Variants in ALDH3A2 observed in about 807,000 individuals in gnomAD.
The protein encoded by ALDH3A2 is aldehyde dehydrogenase family 3 member A2.
In ALDH3A2, 36 loss-of-function variants were observed where a neutral mutation model predicts 51.3. That is an observed-to-expected ratio of 0.70 (90% CI 0.54 to 0.93). The LOEUF is 0.93. ALDH3A2 is among the 40% of genes least tolerant of loss of function. The pLI, the probability that ALDH3A2 is intolerant of heterozygous loss-of-function variation, is 0.00. For synonymous variants in ALDH3A2, 199 were observed against 219.8 expected (o/e 0.91, Z 0.84); for missense variants, 552 against 603.1 (o/e 0.92, Z 0.89).
Position 19,661,177 on chromosome 17 carries a change from C to A in ALDH3A2, c.849C>A (p.Ile283=), listed in dbSNP as rs992796190. The part of the protein sequence containing the change: ...IKESPDYERI[I]NLRHFKRILS... ...AGTCTCCTGATTATGAAAGGATCAT[C>A]AATCTTCGTCATTTTAAGAGGATAC... The change falls in exon 6 of 10, where the codon ATC becomes ATA. Residue 283 remains isoleucine, a synonymous_variant. Transcript: ENST00000176643. The A allele has an allele frequency of 2.5e-6, 4 of 1,613,252 alleles. No homozygotes were observed. The highest frequency in any genetic ancestry group is 3.3e-4 in the Middle Eastern group (2 of 6,062).
intron 5 of ALDH3A2, among the ~76,000 whole-genome samples, chr17:19,660,897 G>A (rs1051628389): frequency 6.6e-6 from 1 of 152,168 alleles, no homozygotes; most frequent in African/African-American, 2.4e-5. Flanking sequence ...TGGAACTATG[G>A]ACAATGACAG....
chr17:19,666,654 G>A (rs1270182330), intron 8 of ALDH3A2, among the ~76,000 whole-genome samples: 3 of 152,034 alleles, frequency 2.0e-5, no homozygotes, highest in African/African-American at 2.4e-5. Context: ...GTGCGTGCCT[G>A]TAGTCCCAGC....
chr17:19,656,906 G>A (rs1009950008), intron 4 of ALDH3A2, among the ~76,000 whole-genome samples: 6 of 152,226 alleles, frequency 3.9e-5, no homozygotes, highest in African/African-American at 7.2e-5. Context: ...AAAGTATTGT[G>A]TGTGCCTAAT....
intron 6 of ALDH3A2, 111 bp downstream of exon 6, chr17:19,661,379 G>A (rs1321720177): frequency 2.3e-6 from 3 of 1,293,786 alleles, no homozygotes; most frequent in Admixed American, 3.6e-5. Context: ...AATTGTTAAA[G>A]TACTAAATCC....
chr17:19,656,186 C>T, intron 3 of ALDH3A2, 180 bp from the exon 4 acceptor site: 2 of 671,688 alleles, frequency 3.0e-6, no homozygotes, highest in Non-Finnish European at 5.4e-6. Flanking sequence ...TCCCAGATGC[C>T]ATCGGACTGT....
At chr17:19,649,157 T>C (rs2084779871) in intron 1 of ALDH3A2, 33 bp downstream of exon 1, 3 of 1,542,974 alleles carry the variant, frequency 1.9e-6, no homozygotes, top group African/African-American at 1.4e-5. Context: ...GTGGGGAAAC[T>C]GGCCCCCGCC....
rs557068998 is a variant in ALDH3A2 at position 19,648,823 on chromosome 17, C to G, written c.-149C>G. 5.0e-3 allele frequency: 5,678 copies of G among 1,126,314 alleles called. 16 individuals are homozygous for G. The highest frequency in any genetic ancestry group is 6.5e-3 in the Non-Finnish European group (5,131 of 793,428). 69.8% of individuals were successfully genotyped at this position (1,126,314 alleles called of 1,614,324 possible). A position where few individuals can be genotyped will look rare whatever the true frequency, so the allele number is the denominator to read the frequency against. The stretch of plus-strand genomic sequence containing the variant: ...GAGGTCGCGGCTGAGCGAGCGAGCC[C>G]TGGGCGAGTGAATTGTGGCTGTGGG... On this transcript the variant is annotated 5_prime_UTR_variant, in exon 1 of 10. Transcript: ENST00000176643.
chr17:19,652,105 G>A (rs1264792758), intron 2 of ALDH3A2, among the ~76,000 whole-genome samples: 2 of 152,198 alleles, frequency 1.3e-5, no homozygotes, highest in African/African-American at 4.8e-5. Flanking sequence ...TGAACCATTT[G>A]ATTCTGTCTG....
At chr17:19,656,682 A>G (rs1174893124) in intron 4 of ALDH3A2, 108 bp downstream of exon 4, 4 of 1,114,250 alleles carry the variant, frequency 3.6e-6, no homozygotes, top group Non-Finnish European at 4.0e-6. Context: ...TCCAAGATAC[A>G]TTATTAAGCT....
chr17:19,660,985 G>A, intron 5 of ALDH3A2, 142 bp from the exon 6 acceptor site: 2 of 836,528 alleles, frequency 2.4e-6, no homozygotes, highest in Non-Finnish European at 3.8e-6. Flanking sequence ...TCATACTACT[G>A]TTAAATTACT....
At chr17:19,672,946 G>A (rs2085137580) in intron 9 of ALDH3A2, among the ~76,000 whole-genome samples, 1 of 151,926 alleles carries the variant, frequency 6.6e-6, no homozygotes, top group African/African-American at 2.4e-5. Context: ...GAGGCTGAGG[G>A]AGGAGAATCA....
chr17:19,670,150 G>A (rs2085092761), intron 8 of ALDH3A2, among the ~76,000 whole-genome samples: 1 of 152,014 alleles, frequency 6.6e-6, no homozygotes, highest in African/African-American at 2.4e-5. Context: ...TATTTTTCCA[G>A]ATGATCTTTG....
At chr17:19,648,697 C>T (rs1327986492), upstream of ALDH3A2, 6 of 519,498 alleles carry the variant, frequency 1.2e-5, no homozygotes, top group African/African-American at 3.9e-5. Flanking sequence ...CCGTGAACAG[C>T]GGCTGTCACG....
chr17:19,653,262 C>G (rs949439570), intron 3 of ALDH3A2, among the ~76,000 whole-genome samples: 2 of 151,996 alleles, frequency 1.3e-5, no homozygotes, highest in African/African-American at 2.4e-5. Flanking sequence ...TCAGGCTGGT[C>G]TCGAGCTCCT....
At chr17:19,648,372 G>C (rs1390456826), upstream of ALDH3A2, 1 of 152,872 alleles carries the variant, frequency 6.5e-6, no homozygotes, top group East Asian at 1.9e-4. Flanking sequence ...CATGTTTGAA[G>C]AGCCACAAAA....
chr17:19,659,564 G>A (rs1435407505), intron 5 of ALDH3A2: 1 of 152,064 alleles, frequency 6.6e-6, no homozygotes, highest in Non-Finnish European at 1.5e-5. Flanking sequence ...GAGAAAATTG[G>A]CTGGGCACAG....
At chr17:19,666,046 G>A (rs1373814506) in intron 8 of ALDH3A2, among the ~76,000 whole-genome samples, 1 of 152,132 alleles carries the variant, frequency 6.6e-6, no homozygotes, top group African/African-American at 2.4e-5. Flanking sequence ...ACTGACATGA[G>A]TGAGGGACAG....
At chr17:19,671,185 C>G (rs2085107809) in intron 8 of ALDH3A2, among the ~76,000 whole-genome samples, 1 of 152,226 alleles carries the variant, frequency 6.6e-6, no homozygotes, top group Non-Finnish European at 1.5e-5. Flanking sequence ...GTTGCCCTGT[C>G]TTACTTTCCA....
rs982580046 is a variant in ALDH3A2, at chr17:19,649,095, C to T, written c.124C>T (p.Leu42=). The change falls in exon 1 of 10, where the codon CTG becomes TTG. Residue 42 remains leucine, a synonymous_variant. Coordinates refer to ENST00000176643, the MANE Select transcript of ALDH3A2 (RefSeq NM_000382.3). The stretch of plus-strand genomic sequence containing the variant: ...GGTGCAGGAGCGCGAGAAGGATATC[C>T]TGACGGCCATCGCCGCCGACCTGTG... ...RMVQEREKDI[L]TAIAADLCKS... is the part of the protein sequence containing the mutation. 2 of 1,580,826 alleles carry T rather than the reference C, an allele frequency of 1.3e-6. No homozygotes were observed. Among genetic ancestry groups the T allele is most frequent in the East Asian group, 2.3e-5 (1 of 43,046 alleles).
Sources: gnomAD v4.1 joint callset for allele counts (sites outside exome capture counted in the v4.1 genomes callset) on GRCh38, gnomAD v4.1.1 for gene constraint, MANE v1.5 for transcripts, NCBI Gene and HGNC (gene_info 2026-07-23, HGNC 2026-07-21) for gene names.